LARP4: variants seen among roughly 807,000 people sequenced by gnomAD.
The protein encoded by LARP4 is La ribonucleoprotein 4.
LARP4 carries 29 observed loss-of-function variants against 92.9 expected under a neutral mutation model. The observed-to-expected ratio is 0.31, with a 90% CI of 0.23 to 0.43. The LOEUF (loss-of-function observed/expected upper bound fraction) is 0.43. LARP4 is among the 20% of genes least tolerant of loss of function. The pLI is 1.00. For synonymous variants in LARP4, 279 were observed against 284.1 expected (o/e 0.98, Z 0.18); for missense variants, 732 against 860.0 (o/e 0.85, Z 1.86).
In LARP4 at chr12:50,463,143, G is replaced by A. The variant is rs183821342; in HGVS notation, c.1383+513G>A. On this transcript the variant is annotated intron_variant, in intron 12 of 15. Transcript: ENST00000398473. ...CCCAGGCTTAAGTGATCCTCCTCTC[G>A]AGTCGGGGTCTTGCGGGCCAGGCAC... Among the ~76,000 whole-genome samples the A allele has an allele frequency of 9.8e-4, 148 of 151,770 alleles. 1 individual carries two copies. Among genetic ancestry groups the A allele is most frequent in the Admixed American group, 7.5e-3 (114 of 15,206 alleles).
At chr12:50,416,568 T>TA in intron 1 of LARP4, 1 of 152,556 alleles carries the variant, frequency 6.6e-6, no homozygotes, top group East Asian at 1.9e-4. Context: ...CCTGTGGTCC[T>TA]AGCTACTCAA....
Position 50,400,999 on chromosome 12 carries a change from G to A in LARP4, c.-12G>A. On this transcript the variant is annotated 5_prime_UTR_variant, in exon 1 of 16. Coordinates refer to ENST00000398473, the MANE Select transcript of LARP4 (RefSeq NM_052879.5). ...GCGGCGGCGGGAACGATTGGGCTGA[G>A]CAGAGGACGACATGTTGCTTTTCGT... 6.2e-7 allele frequency: 1 copy of A among 1,614,184 alleles called. No individual in the cohort carries two copies. Among genetic ancestry groups the A allele is most frequent in the Non-Finnish European group, 8.5e-7 (1 of 1,180,032 alleles).
At chr12:50,423,260 A>G (rs1199393496) in intron 1 of LARP4, among the ~76,000 whole-genome samples, 1 of 152,090 alleles carries the variant, frequency 6.6e-6, no homozygotes, top group Non-Finnish European at 1.5e-5. Context: ...GTTTTATAGC[A>G]TTCTATAGTC....
chr12:50,410,408 CTT>C (rs200457985), intron 1 of LARP4, among the ~76,000 whole-genome samples: 15 of 132,946 alleles, frequency 1.1e-4, no homozygotes, highest in Non-Finnish European at 9.8e-5. Flanking sequence ...GATTCTTTAT[CTT>C]TTTTTTTTTT....
At chr12:50,410,551 G>A (rs888289865) in intron 1 of LARP4, among the ~76,000 whole-genome samples, 4 of 151,612 alleles carry the variant, frequency 2.6e-5, no homozygotes, top group South Asian at 2.1e-4. Flanking sequence ...GATTACAGGC[G>A]CCCACCACCA....
intron 1 of LARP4, among the ~76,000 whole-genome samples, chr12:50,406,118 T>C (rs1944784241): frequency 6.6e-6 from 1 of 152,182 alleles, no homozygotes; most frequent in Admixed American, 6.5e-5. Flanking sequence ...ACTTACTTAC[T>C]TAGGTAGCAG....
intron 8 of LARP4, among the ~76,000 whole-genome samples, chr12:50,447,877 AT>A (rs943031718): frequency 1.3e-5 from 2 of 149,934 alleles, no homozygotes; most frequent in East Asian, 3.9e-4. Flanking sequence ...ATTTTTTTCT[AT>A]TTTTTTTGAG....
At chr12:50,428,902 C>A in intron 2 of LARP4, 33 bp from the exon 3 acceptor site, 1 of 1,501,616 alleles carries the variant, frequency 6.7e-7, no homozygotes, top group Non-Finnish European at 9.0e-7. Context: ...TTAAATAATT[C>A]CCATTTACTT....
At chr12:50,424,712 A>G (rs927411452) in intron 1 of LARP4, among the ~76,000 whole-genome samples, 2 of 152,160 alleles carry the variant, frequency 1.3e-5, no homozygotes, top group Non-Finnish European at 2.9e-5. Context: ...ACCCCAATTT[A>G]CAGTTAACAA....
Position 50,428,908 on chromosome 12 carries a change from TACTTTCAGTGTCTG to T in LARP4, c.167-26_167-13del. On this transcript the variant is annotated splice_polypyrimidine_tract_variant and intron_variant, in intron 2 of 15. Coordinates refer to ENST00000398473, the MANE Select transcript of LARP4 (RefSeq NM_052879.5). ...GAATAGAATTTAAATAATTCCCATT[TACTTTCAGTGTCTG>T]TCTTTAATACAGGTAATGCAGAGCT... 2 of 1,518,612 alleles carry T rather than the reference TACTTTCAGTGTCTG, an allele frequency of 1.3e-6. No individual in the cohort carries two copies. The highest frequency in any genetic ancestry group is 1.8e-6 in the Non-Finnish European group (2 of 1,127,620). The allele number at this position is 1,518,612 out of a possible 1,614,324, so 94.1% of individuals were successfully genotyped here.
At chr12:50,472,392 G>A (rs1471209936) in intron 13 of LARP4, among the ~76,000 whole-genome samples, 2 of 152,014 alleles carry the variant, frequency 1.3e-5, no homozygotes, top group Admixed American at 6.6e-5. Context: ...ACTACTCTTA[G>A]TAATTCATAT....
chr12:50,474,104 G>A lies in LARP4; in HGVS notation c.1773G>A (p.Ser591=), dbSNP rs1389081126. The A allele has an allele frequency of 1.9e-6, 3 of 1,613,374 alleles. No individual in the cohort carries two copies. The highest frequency in any genetic ancestry group is 2.5e-6 in the Non-Finnish European group (3 of 1,179,862). The part of the protein sequence containing the change: ...PVSPPSTTKP[S]RASTASPCNN... ...CTCCTCCAAGTACTACAAAGCCATC[G>A]AGGGCAAGTACTGCTTCACCATGTA... The change falls in exon 15 of 16, where the codon TCG becomes TCA. Residue 591 remains serine, a synonymous_variant. Transcript: ENST00000398473.
chr12:50,463,241 G>C (rs1378742531), intron 12 of LARP4, among the ~76,000 whole-genome samples: 1 of 151,244 alleles, frequency 6.6e-6, no homozygotes, highest in Non-Finnish European at 1.5e-5. Context: ...CAGGCCCCAT[G>C]CAAGTGCAAA....
intron 8 of LARP4, among the ~76,000 whole-genome samples, chr12:50,450,879 T>C (rs1953069481): frequency 6.6e-6 from 1 of 152,168 alleles, no homozygotes; most frequent in Non-Finnish European, 1.5e-5. Flanking sequence ...AGAGCATTTT[T>C]TCAGTTCTTT....
chr12:50,462,521 TG>T, intron 11 of LARP4, 60 bp from the exon 12 acceptor site: 1 of 954,168 alleles, frequency 1.0e-6, no homozygotes. Flanking sequence ...TGTATATATC[TG>T]AAGAAACTTA....
At chr12:50,407,542 T>C (rs1476869272) in intron 1 of LARP4, among the ~76,000 whole-genome samples, 3 of 152,128 alleles carry the variant, frequency 2.0e-5, no homozygotes, top group Non-Finnish European at 4.4e-5. Context: ...ACACATTTAC[T>C]TGCAGCATTT....
At chr12:50,431,453 G>A (rs990576106) in intron 4 of LARP4, among the ~76,000 whole-genome samples, 1 of 152,046 alleles carries the variant, frequency 6.6e-6, no homozygotes, top group Admixed American at 6.6e-5. Flanking sequence ...GTCATTTTTG[G>A]CAAAATAGTA....
intron 1 of LARP4, chr12:50,420,947 C>CTTTTTTTTTTTTTTTTTTTTTTTTTTTTT (rs71083567): frequency 9.0e-6 from 1 of 111,440 alleles, no homozygotes; most frequent in African/African-American, 3.4e-5. Flanking sequence ...ATAACCTTTG[C>CTTTTTTTTTTTTTTTTTTTTTTTTTTTTT]TTTTTTTTTT....
At chr12:50,412,829 G>A (rs1014728369) in intron 1 of LARP4, among the ~76,000 whole-genome samples, 13 of 152,076 alleles carry the variant, frequency 8.5e-5, no homozygotes, top group African/African-American at 2.9e-4. Context: ...AGTTTACATC[G>A]TTTAGTAGAT....
Sources: gnomAD v4.1 joint callset for allele counts (sites outside exome capture counted in the v4.1 genomes callset) on GRCh38, gnomAD v4.1.1 for gene constraint, MANE v1.5 for transcripts, NCBI Gene and HGNC (gene_info 2026-07-23, HGNC 2026-07-21) for gene names.